The following SELENOI variants were observed in gnomAD, a reference collection of about 807,000 sequenced individuals.
SELENOI encodes ethanolaminephosphotransferase 1.
Under a neutral mutation model 50.7 loss-of-function variants are expected in SELENOI, and 24 were observed. The ratio of observed to expected loss-of-function variants is 0.47; its 90% CI spans 0.34 to 0.67. The LOEUF (loss-of-function observed/expected upper bound fraction) is 0.67. SELENOI is among the 30% of genes least tolerant of loss of function. SELENOI has a pLI of 0.01. For synonymous variants in SELENOI, 155 were observed against 170.2 expected (o/e 0.91, Z 0.70); for missense variants, 352 against 461.4 (o/e 0.76, Z 2.17).
chr2:26,364,733 A>C (rs1437859849), intron 2 of SELENOI, 99 bp from the exon 3 acceptor site: 1 of 789,530 alleles, frequency 1.3e-6, no homozygotes, highest in Non-Finnish European at 2.0e-6. Context: ...GATCTTTCAA[A>C]TGTATAGCTT....
chr2:26,380,343 A>G (rs150681810), intron 6 of SELENOI, among the ~76,000 whole-genome samples: 44 of 152,242 alleles, frequency 2.9e-4, no homozygotes, highest in African/African-American at 9.6e-4. Flanking sequence ...ACTCACTTTC[A>G]TAGATACATG....
chr2:26,349,471 T>C (rs1676904922), intron 1 of SELENOI, among the ~76,000 whole-genome samples: 1 of 151,570 alleles, frequency 6.6e-6, no homozygotes, highest in African/African-American at 2.4e-5. Context: ...CATGCCCGGC[T>C]AATTTTTGTA....
At chr2:26,363,956 G>C (rs1677233565) in intron 1 of SELENOI, among the ~76,000 whole-genome samples, 1 of 152,056 alleles carries the variant, frequency 6.6e-6, no homozygotes, top group Non-Finnish European at 1.5e-5. Flanking sequence ...TGGCCAGGCT[G>C]ATCTTGAACT....
At chr2:26,383,829 G>A (rs777959961) in intron 7 of SELENOI, among the ~76,000 whole-genome samples, 8 of 151,978 alleles carry the variant, frequency 5.3e-5, no homozygotes, top group East Asian at 1.9e-4. Flanking sequence ...AGTCGAGATC[G>A]CGCCACTGCA....
At chr2:26,368,745 T>A (rs1177771747) in intron 4 of SELENOI, among the ~76,000 whole-genome samples, 1 of 152,202 alleles carries the variant, frequency 6.6e-6, no homozygotes, top group Non-Finnish European at 1.5e-5. Flanking sequence ...AAAACCTAAT[T>A]AATACATAGT....
At chr2:26,384,404 G>C (rs1454787679) in intron 7 of SELENOI, among the ~76,000 whole-genome samples, 1 of 152,158 alleles carries the variant, frequency 6.6e-6, no homozygotes, top group Non-Finnish European at 1.5e-5. Context: ...GATCAATGGC[G>C]GAAGCAGGAC....
intron 4 of SELENOI, among the ~76,000 whole-genome samples, chr2:26,373,028 A>G (rs770870092): frequency 7.9e-5 from 12 of 152,150 alleles, no homozygotes; most frequent in Non-Finnish European, 1.5e-4. Context: ...AGCAGGAACT[A>G]CAGGTGCGCA....
At chr2:26,373,295 A>C in intron 4 of SELENOI, 72 bp from the exon 5 acceptor site, 2 of 1,502,854 alleles carry the variant, frequency 1.3e-6, no homozygotes, top group Non-Finnish European at 1.8e-6. Context: ...TTTTTCCTCC[A>C]GTTTATTAAA....
chr2:26,361,169 G>A (rs1015314752), intron 1 of SELENOI, among the ~76,000 whole-genome samples: 4 of 152,132 alleles, frequency 2.6e-5, no homozygotes, highest in African/African-American at 4.8e-5. Context: ...AGCCAAGATC[G>A]CGCCACTGCA....
chr2:26,355,755 T>C (rs1258401346), intron 1 of SELENOI, among the ~76,000 whole-genome samples: 2 of 152,018 alleles, frequency 1.3e-5, no homozygotes, highest in African/African-American at 4.8e-5. Flanking sequence ...CTTTTTTTTT[T>C]TTTGAGAGAG....
intron 4 of SELENOI, among the ~76,000 whole-genome samples, chr2:26,371,509 C>T (rs1401949923): frequency 4.6e-5 from 7 of 152,290 alleles, no homozygotes; most frequent in Admixed American, 3.9e-4. Flanking sequence ...CCAAGGCAGG[C>T]GGCTGGGAGG....
rs1184400443 is a variant in SELENOI at position 26,373,507 on chromosome 2, G to A, written c.451G>A (p.Val151Ile). The A allele has an allele frequency of 1.9e-6, 3 of 1,613,900 alleles. No homozygotes were observed. Among genetic ancestry groups the A allele is most frequent in the Non-Finnish European group, 2.5e-6 (3 of 1,179,898 alleles). Residue 151 changes from valine to isoleucine, a missense_variant, in exon 5 of 10, where the codon GTC becomes ATC. Physicochemically the swap from Val to Ile is conservative, Grantham distance 29. Coordinates refer to ENST00000260585, the MANE Select transcript of SELENOI (RefSeq NM_033505.4). ...YSIFGRGSTG[V>I]SVFVLYLLLW... ...CATCTTTGGAAGAGGATCAACTGGT[G>A]TCAGTGTTTTTGTTCTTTATCTCCT...
rs187002528 is a variant in SELENOI, at chr2:26,376,632, C to T, written c.682+1484C>T. ...ACTCTTTAGCCCCCTGCTTAGCCCC[C>T]GGGTTGTGTTATAATATACAGTTTA... On this transcript the variant is annotated intron_variant, in intron 6 of 9. Coordinates refer to ENST00000260585, the MANE Select transcript of SELENOI (RefSeq NM_033505.4). Among the ~76,000 whole-genome samples, 425 of 152,300 alleles carry T rather than the reference C, an allele frequency of 2.8e-3. 2 individuals carry two copies. The highest frequency in any genetic ancestry group is 9.4e-3 in the African/African-American group (389 of 41,554).
rs767798392 is a variant in SELENOI at position 26,385,006 on chromosome 2, T to C, written c.779T>C (p.Met260Thr). The change falls in exon 8 of 10, where the codon ATG (methionine) becomes ACG (threonine). Residue 260 changes from methionine to threonine, a missense_variant. By Grantham distance (81) the Met-to-Thr change is moderately conservative (BLOSUM62 -1). Transcript: ENST00000260585. ...AAACTCAATTCAGTCTATGAAGCTA[T>C]GGTTCCCTTATTTTCTCCATGCTTG... ...TLKLNSVYEAMVPLFSPCLLF... is the reference protein window; with the variant it reads ...TLKLNSVYEATVPLFSPCLLF... 6.2e-7 allele frequency: 1 copy of C among 1,612,734 alleles called. No homozygotes were observed. Among genetic ancestry groups the C allele is most frequent in the African/African-American group, 1.3e-5 (1 of 74,862 alleles).
intron 1 of SELENOI, among the ~76,000 whole-genome samples, chr2:26,359,779 T>G (rs1677137045): frequency 6.6e-6 from 1 of 152,166 alleles, no homozygotes; most frequent in Non-Finnish European, 1.5e-5. Context: ...CTGGAAGTAA[T>G]GAGTTGGTGA....
chr2:26,382,761 G>A (rs374910506), intron 6 of SELENOI, among the ~76,000 whole-genome samples: 1 of 151,928 alleles, frequency 6.6e-6, no homozygotes, highest in African/African-American at 2.4e-5. Context: ...GAAGCCTGAC[G>A]TAGGAGAATT....
intron 3 of SELENOI, 74 bp from the exon 4 acceptor site, chr2:26,367,072 C>A: frequency 8.2e-7 from 1 of 1,225,110 alleles, no homozygotes; most frequent in South Asian, 1.4e-5. Flanking sequence ...CGACACTTCT[C>A]ACTGTCAGTA....
chr2:26,357,592 GCTTCCAGTAGCTCCTGGCCTGCC>G (rs1558412121), intron 1 of SELENOI, among the ~76,000 whole-genome samples: 1 of 152,188 alleles, frequency 6.6e-6, no homozygotes, highest in South Asian at 2.1e-4. Context: ...CTCTATTTCA[GCTTCCAGTAGCTCCTGGCCTGCC>G]TGGGCCTGTG....
intron 2 of SELENOI, 59 bp downstream of exon 2, chr2:26,364,429 AT>A: frequency 8.8e-7 from 1 of 1,135,300 alleles, no homozygotes; most frequent in Non-Finnish European, 1.3e-6. Context: ...ATTTTAACCT[AT>A]TTTATGGAGT....
Sources: gnomAD v4.1 joint callset for allele counts (sites outside exome capture counted in the v4.1 genomes callset) on GRCh38, gnomAD v4.1.1 for gene constraint, MANE v1.5 for transcripts, NCBI Gene and HGNC (gene_info 2026-07-23, HGNC 2026-07-21) for gene names.